Variants in SPOCK3 observed in about 807,000 individuals in gnomAD.
SPOCK3 encodes SPARC (osteonectin), cwcv and kazal like domains proteoglycan 3, also known as testican-3.
SPOCK3 carries 30 observed loss-of-function variants against 56.6 expected under a neutral mutation model. The observed-to-expected ratio is 0.53, with a 90% CI of 0.40 to 0.72. SPOCK3 has a LOEUF of 0.72. Among genes scored for constraint, SPOCK3 ranks in the 30% least tolerant of loss-of-function variants. The probability of loss-of-function intolerance (pLI) is 0.00; values close to 1 mark genes in which losing one functional copy is unlikely to be tolerated. For missense variants in SPOCK3, 527 were observed against 530.0 expected (o/e 0.99, Z 0.06); for synonymous variants, 196 against 183.3 (o/e 1.07, Z -0.56).
chr4:167,092,185 A>C (rs1025261051), intron 2 of SPOCK3, among the ~76,000 whole-genome samples: 1 of 152,138 alleles, frequency 6.6e-6, no homozygotes, highest in East Asian at 1.9e-4. Context: ...CAGGAAGCAC[A>C]AGGGGTCGGG....
intron 6 of SPOCK3, among the ~76,000 whole-genome samples, chr4:166,824,855 G>T (rs1745298177): frequency 6.6e-6 from 1 of 151,836 alleles, no homozygotes; most frequent in South Asian, 2.1e-4. Flanking sequence ...TCATATCCTT[G>T]CAGGGAAAAT....
chr4:167,023,959 A>C (rs1288438668), intron 3 of SPOCK3, among the ~76,000 whole-genome samples: 1 of 152,044 alleles, frequency 6.6e-6, no homozygotes, highest in African/African-American at 2.4e-5. Context: ...CAGAGGCAGA[A>C]AGAAGTCAAA....
rs189281807 is a variant in SPOCK3 at position 167,016,643 on chromosome 4, C to T, written c.236-16180G>A. ...GCAACATTTGCCTCCTGGGTTCAAG[C>T]GATTCTCCTGCCTCAGTCTCCTGAG... On this transcript the variant is annotated intron_variant, in intron 3 of 10. Coordinates refer to ENST00000357545, the MANE Select transcript of SPOCK3 (RefSeq NM_001040159.2). Among the ~76,000 whole-genome samples, 48 of 151,668 alleles carry T rather than the reference C, an allele frequency of 3.2e-4. No individual in the cohort carries two copies. The East Asian group carries it at 6.9e-3, about 22-fold the overall frequency.
At chr4:167,116,615 A>C (rs1277314549) in intron 2 of SPOCK3, among the ~76,000 whole-genome samples, 1 of 131,854 alleles carries the variant, frequency 7.6e-6, no homozygotes, top group Non-Finnish European at 1.6e-5. Flanking sequence ...CTATATACGT[A>C]TATATATACA....
At chr4:166,836,998 C>T (rs903137101) in intron 6 of SPOCK3, among the ~76,000 whole-genome samples, 2 of 152,182 alleles carry the variant, frequency 1.3e-5, no homozygotes, top group East Asian at 1.9e-4. Flanking sequence ...AGTTCAATCT[C>T]GCTCCCATTG....
chr4:167,090,277 A>T (rs1758591788), intron 2 of SPOCK3, among the ~76,000 whole-genome samples: 1 of 152,044 alleles, frequency 6.6e-6, no homozygotes, highest in Non-Finnish European at 1.5e-5. Context: ...CACCCTCATC[A>T]GCACTTGGCA....
At chr4:166,844,508 T>C (rs1001986717) in intron 6 of SPOCK3, among the ~76,000 whole-genome samples, 4 of 152,128 alleles carry the variant, frequency 2.6e-5, no homozygotes, top group African/African-American at 9.7e-5. Flanking sequence ...CCCTTCATAG[T>C]GGGGTTGAGC....
chr4:166,882,584 TAG>T (rs1733790580), intron 6 of SPOCK3, among the ~76,000 whole-genome samples: 1 of 152,218 alleles, frequency 6.6e-6, no homozygotes. Flanking sequence ...AAACGTCCTT[TAG>T]TGCTACAAGA....
chr4:167,078,305 A>C (rs1168723097), intron 2 of SPOCK3, among the ~76,000 whole-genome samples: 1 of 107,356 alleles, frequency 9.3e-6, no homozygotes, highest in Non-Finnish European at 1.9e-5. Context: ...CCAGGTCATA[A>C]CTCTGTGTGT....
chr4:166,962,806 T>C (rs1014854833), intron 4 of SPOCK3, among the ~76,000 whole-genome samples: 2 of 152,064 alleles, frequency 1.3e-5, no homozygotes, highest in Non-Finnish European at 2.9e-5. Flanking sequence ...AATCTAACTA[T>C]GGGAAATAGC....
chr4:166,765,907 C>G (rs1197159911), intron 7 of SPOCK3, among the ~76,000 whole-genome samples: 1 of 152,130 alleles, frequency 6.6e-6, no homozygotes, highest in African/African-American at 2.4e-5. Context: ...CTTCACATCC[C>G]TTTTAAGTTG....
intron 2 of SPOCK3, among the ~76,000 whole-genome samples, chr4:167,219,151 C>A (rs960572709): frequency 2.6e-5 from 4 of 152,146 alleles, no homozygotes; most frequent in African/African-American, 9.7e-5. Context: ...AATCTGACTG[C>A]CTCAGGGACA....
intron 2 of SPOCK3, among the ~76,000 whole-genome samples, chr4:167,129,805 T>C (rs1014122311): frequency 1.4e-4 from 21 of 152,226 alleles, no homozygotes; most frequent in Non-Finnish European, 2.9e-4. Flanking sequence ...GGAGAAAAAC[T>C]GTCAGTTTTG....
At chr4:167,036,461 G>A (rs1752764573) in intron 3 of SPOCK3, among the ~76,000 whole-genome samples, 1 of 152,152 alleles carries the variant, frequency 6.6e-6, no homozygotes, top group African/African-American at 2.4e-5. Flanking sequence ...TAAGCCGGGT[G>A]CAGAAGAAAT....
chr4:167,024,676 A>G (rs1173817738), intron 3 of SPOCK3, among the ~76,000 whole-genome samples: 2 of 152,012 alleles, frequency 1.3e-5, no homozygotes, highest in Admixed American at 1.3e-4. Flanking sequence ...AGAATAATAC[A>G]ATAGACTTTG....
intron 2 of SPOCK3, among the ~76,000 whole-genome samples, chr4:167,187,746 A>G (rs1161886992): frequency 6.6e-6 from 1 of 152,186 alleles, no homozygotes; most frequent in Non-Finnish European, 1.5e-5. Flanking sequence ...CTCCTTTATT[A>G]TCAAATGATT....
At chr4:167,070,783 A>G (rs1007789184) in intron 2 of SPOCK3, among the ~76,000 whole-genome samples, 2 of 151,988 alleles carry the variant, frequency 1.3e-5, no homozygotes, top group African/African-American at 4.8e-5. Context: ...TTTCCTGTGT[A>G]GAAATACTTA....
intron 7 of SPOCK3, among the ~76,000 whole-genome samples, chr4:166,767,256 C>T (rs1239571190): frequency 6.6e-6 from 1 of 152,062 alleles, no homozygotes; most frequent in Non-Finnish European, 1.5e-5. Flanking sequence ...GCTCTTGCCT[C>T]TCTAGTTCTT....
chr4:167,126,625 C>T (rs1178451011), intron 2 of SPOCK3, among the ~76,000 whole-genome samples: 2 of 147,206 alleles, frequency 1.4e-5, no homozygotes, highest in Admixed American at 6.8e-5. Flanking sequence ...CCCTGCAATA[C>T]AAAAAAAAAA....
Sources: gnomAD v4.1 joint callset for allele counts (sites outside exome capture counted in the v4.1 genomes callset) on GRCh38, gnomAD v4.1.1 for gene constraint, MANE v1.5 for transcripts, NCBI Gene and HGNC (gene_info 2026-07-23, HGNC 2026-07-21) for gene names.